RPS6KA2: variants seen among roughly 807,000 people sequenced by gnomAD.
RPS6KA2 encodes ribosomal protein S6 kinase A2.
Under a neutral mutation model 91.8 loss-of-function variants are expected in RPS6KA2, and 42 were observed. The observed-to-expected ratio is 0.46, with a 90% CI of 0.36 to 0.59. RPS6KA2 has a LOEUF of 0.59. RPS6KA2 is among the 20% of genes least tolerant of loss of function. RPS6KA2 has a pLI of 0.00. For missense variants in RPS6KA2, 798 were observed against 978.5 expected, an observed-to-expected ratio of 0.82 and a Z score of 2.46; for synonymous variants, 414 against 393.6, an observed-to-expected ratio of 1.05 and a Z score of -0.61.
intron 2 of RPS6KA2, among the ~76,000 whole-genome samples, chr6:166,672,039 C>T (rs951756323): frequency 6.6e-6 from 1 of 152,170 alleles, no homozygotes; most frequent in Non-Finnish European, 1.5e-5. Flanking sequence ...GCCAAGTGCA[C>T]GACCTCAGCA....
At chr6:166,753,605 T>C (rs1344453249) in intron 2 of RPS6KA2, among the ~76,000 whole-genome samples, 1 of 152,212 alleles carries the variant, frequency 6.6e-6, no homozygotes, top group African/African-American at 2.4e-5. Context: ...GTTTAAAAAT[T>C]CATCCACAGG....
intron 2 of RPS6KA2, chr6:166,702,394 C>A (rs1281550168): frequency 1.9e-6 from 3 of 1,607,296 alleles, no homozygotes; most frequent in African/African-American, 2.7e-5. Context: ...AGGTGAAATT[C>A]TCTAACTGAA....
At chr6:166,685,144 G>C (rs1166108989) in intron 2 of RPS6KA2, among the ~76,000 whole-genome samples, 1 of 151,968 alleles carries the variant, frequency 6.6e-6, no homozygotes, top group African/African-American at 2.4e-5. Flanking sequence ...ACATGACCCT[G>C]ATGGAGTATG....
At chr6:166,657,001 C>G (rs958387395) in intron 2 of RPS6KA2, among the ~76,000 whole-genome samples, 3 of 152,176 alleles carry the variant, frequency 2.0e-5, no homozygotes, top group Non-Finnish European at 4.4e-5. Context: ...TGACTCCCTG[C>G]CAGAACCTGG....
Position 166,680,170 on chromosome 6 carries a change from T to C in RPS6KA2, c.124-141386A>G, listed in dbSNP as rs150432697. The stretch of plus-strand genomic sequence containing the variant: ...TAAACGCACCAATCAGCACTCTGTG[T>C]CTAGCTAATCTGGTGGGGACTTGGA... On this transcript the variant is annotated intron_variant, in intron 2 of 21. Transcript: ENST00000503859. Among the ~76,000 whole-genome samples the C allele has an allele frequency of 4.4e-3, 666 of 151,938 alleles. 5 individuals are homozygous for C. The highest frequency in any genetic ancestry group is 0.015 in the African/African-American group (639 of 41,374).
At chr6:166,650,155 A>G (rs1267654356) in intron 2 of RPS6KA2, among the ~76,000 whole-genome samples, 1 of 151,894 alleles carries the variant, frequency 6.6e-6, no homozygotes, top group Non-Finnish European at 1.5e-5. Flanking sequence ...TTACAAAAAA[A>G]AAAAAAAAAA....
chr6:166,637,911 C>G (rs192755141), intron 2 of RPS6KA2, among the ~76,000 whole-genome samples: 3 of 152,214 alleles, frequency 2.0e-5, no homozygotes, highest in Non-Finnish European at 4.4e-5. Context: ...GGCCTGAGGG[C>G]GGGGCTGAGG....
chr6:166,691,827 C>G (rs958330367), intron 2 of RPS6KA2, among the ~76,000 whole-genome samples: 9 of 152,162 alleles, frequency 5.9e-5, no homozygotes, highest in Non-Finnish European at 1.0e-4. Context: ...ATCTATTTAT[C>G]CATCTTCTAT....
intron 1 of RPS6KA2, among the ~76,000 whole-genome samples, chr6:166,575,181 A>G (rs1784802211): frequency 6.6e-6 from 1 of 152,212 alleles, no homozygotes; most frequent in African/African-American, 2.4e-5. Context: ...CTCAGAGCAC[A>G]TTGGAGGAAA....
In RPS6KA2 at chr6:166,782,323, C is replaced by T. The variant is rs373564176; in HGVS notation, c.123+75877G>A. ...ACAACCACAACAAAATGTCTCTAGA[C>T]GTTGCCAAATGATGTCCCTGAGTTG... On this transcript the variant is annotated intron_variant, in intron 2 of 21. Transcript: ENST00000503859. Among the ~76,000 whole-genome samples the T allele has an allele frequency of 3.5e-4, 53 of 152,290 alleles. No homozygotes were observed. The South Asian group carries it at 7.5e-3, about 21-fold the overall frequency.
chr6:166,479,606 C>T (rs1431985334), intron 10 of RPS6KA2, among the ~76,000 whole-genome samples: 3 of 152,228 alleles, frequency 2.0e-5, no homozygotes, highest in East Asian at 3.8e-4. Context: ...TGTGCTAGCA[C>T]GTCACAGAGA....
intron 2 of RPS6KA2, among the ~76,000 whole-genome samples, chr6:166,731,710 T>C (rs1352440819): frequency 6.8e-6 from 1 of 146,616 alleles, no homozygotes; most frequent in African/African-American, 2.8e-5. Context: ...CTGATGAGGT[T>C]AGCCGCAATG....
chr6:166,448,663 A>G lies in RPS6KA2; in HGVS notation c.1332+61T>C, dbSNP rs909015831. The G allele has an allele frequency of 2.8e-5, 43 of 1,536,724 alleles. No individual in the cohort carries two copies. The highest frequency in any genetic ancestry group is 4.4e-6 in the Non-Finnish European group (5 of 1,135,828). ...CCTATGCTCCGTGCTCCCACATACC[A>G]CACGTGCTCCCACGCGCTGCACTCA... On this transcript the variant is annotated intron_variant, in intron 14 of 20. Coordinates refer to ENST00000265678, the MANE Select transcript of RPS6KA2 (RefSeq NM_021135.6). This position sits in a 1 kb window ranked among gnomAD's most constrained non-coding sequence, Gnocchi z 4.7.
intron 10 of RPS6KA2, among the ~76,000 whole-genome samples, chr6:166,475,437 C>T (rs545349548): frequency 6.6e-6 from 1 of 152,340 alleles, no homozygotes; most frequent in Admixed American, 6.5e-5. Context: ...TGCCATTCTT[C>T]CTTCCTTCCT....
chr6:166,823,910 T>G (rs796863624), intron 2 of RPS6KA2, among the ~76,000 whole-genome samples: 23 of 152,296 alleles, frequency 1.5e-4, no homozygotes, highest in African/African-American at 5.5e-4. Context: ...GATAGTATGC[T>G]CACGTTCTGC....
At chr6:166,511,639 T>G (rs1444588827) in intron 3 of RPS6KA2, among the ~76,000 whole-genome samples, 1 of 152,192 alleles carries the variant, frequency 6.6e-6, no homozygotes. Flanking sequence ...GGGAGAAAAT[T>G]TCTTCAAACA....
chr6:166,817,356 A>C (rs1318107963), intron 2 of RPS6KA2, among the ~76,000 whole-genome samples: 1 of 151,486 alleles, frequency 6.6e-6, no homozygotes, highest in Admixed American at 6.6e-5. Flanking sequence ...TTAGATGGGG[A>C]ACACAGATCC....
intron 2 of RPS6KA2, among the ~76,000 whole-genome samples, chr6:166,694,285 A>C (rs969348289): frequency 2.6e-5 from 4 of 152,180 alleles, no homozygotes; most frequent in African/African-American, 9.7e-5. Context: ...GCCACAGAGG[A>C]GCGGGAGTTG....
At chr6:166,504,415 T>C (rs1782125492) in intron 6 of RPS6KA2, 91 bp downstream of exon 6, 1 of 753,896 alleles carries the variant, frequency 1.3e-6, no homozygotes, top group Non-Finnish European at 2.2e-6. Context: ...ATTTAGGAAA[T>C]AAATATCTAG....
Sources: allele counts gnomAD v4.1 joint callset (sites outside exome capture counted in the v4.1 genomes callset), GRCh38; gene constraint gnomAD v4.1.1; non-coding constraint Gnocchi (gnomAD v3.1); transcripts MANE v1.5; gene names NCBI Gene and HGNC (gene_info 2026-07-23, HGNC 2026-07-21).